The following IFNG-AS1 variants were observed in gnomAD, a reference collection of about 807,000 sequenced individuals.
IFNG-AS1 encodes the protein IFNG regulatory antisense RNA 1.
At position 68,011,353 on chromosome 12, in the gene IFNG-AS1, A is replaced by G. The variant is rs551923126; in HGVS notation, n.241+5207A>G. Among the ~76,000 whole-genome samples, 8 of 152,308 alleles carry G rather than the reference A, an allele frequency of 5.3e-5. No individual in the cohort carries two copies. The East Asian group carries it at 1.3e-3, about 26-fold the overall frequency. ...ACAATTTATTACTAAGAATTTAAAC[A>G]GTTTTAACAACCACTGTAAGTGCAG... On this transcript the variant is annotated intron_variant and non_coding_transcript_variant, in intron 3 of 5. Transcript: ENST00000536914.
intron 3 of IFNG-AS1, among the ~76,000 whole-genome samples, chr12:68,013,236 G>A (rs943142221): frequency 6.6e-6 from 1 of 152,190 alleles, no homozygotes; most frequent in Admixed American, 6.5e-5. Context: ...CAGGGTTTAG[G>A]ATTTGGGATT....
At chr12:68,010,731 T>C (rs1485144347) in intron 3 of IFNG-AS1, among the ~76,000 whole-genome samples, 1 of 152,196 alleles carries the variant, frequency 6.6e-6, no homozygotes, top group African/African-American at 2.4e-5. Context: ...GTTCTTGCCT[T>C]GGGCCGAACC....
intron 3 of IFNG-AS1, among the ~76,000 whole-genome samples, chr12:68,014,742 C>A (rs1441302212): frequency 6.6e-6 from 1 of 151,950 alleles, no homozygotes; most frequent in South Asian, 2.1e-4. Context: ...ACTGGCCAAG[C>A]CTCCACAATC....
chr12:68,014,059 A>T (rs1880092695), intron 3 of IFNG-AS1, among the ~76,000 whole-genome samples: 2 of 152,192 alleles, frequency 1.3e-5, no homozygotes, highest in African/African-American at 4.8e-5. Flanking sequence ...TCCATTCCTC[A>T]GTTACCTCAC....
intron 3 of IFNG-AS1, among the ~76,000 whole-genome samples, chr12:68,011,084 C>A (rs1880015816): frequency 6.6e-6 from 1 of 152,150 alleles, no homozygotes; most frequent in African/African-American, 2.4e-5. Context: ...GTCCTCAGAG[C>A]TTTGGAGTTT....
chr12:67,991,542 T>C (rs1879512256), intron 1 of IFNG-AS1, among the ~76,000 whole-genome samples: 1 of 152,234 alleles, frequency 6.6e-6, no homozygotes, highest in Non-Finnish European at 1.5e-5. Flanking sequence ...GCCACCTTAA[T>C]GAATGAGGAT....
intron 2 of IFNG-AS1, among the ~76,000 whole-genome samples, chr12:68,000,111 T>C (rs1879733814): frequency 6.6e-6 from 1 of 152,204 alleles, no homozygotes; most frequent in Non-Finnish European, 1.5e-5. Context: ...TAGCATAATA[T>C]CAATGTTAGT....
intron 3 of IFNG-AS1, among the ~76,000 whole-genome samples, chr12:68,007,980 A>C (rs1000292013): frequency 1.3e-5 from 2 of 152,266 alleles, no homozygotes; most frequent in Non-Finnish European, 2.9e-5. Context: ...TCTTTAAAAA[A>C]TCAGGCAAAC....
intron 3 of IFNG-AS1, among the ~76,000 whole-genome samples, chr12:68,013,103 C>G (rs1880070688): frequency 6.6e-6 from 1 of 152,234 alleles, no homozygotes. Flanking sequence ...ACCATTTTGC[C>G]TGGGATTGAT....
At chr12:68,001,370 G>T in intron 2 of IFNG-AS1, 1 of 196,580 alleles carries the variant, frequency 5.1e-6, no homozygotes, top group South Asian at 1.0e-4. Flanking sequence ...GCATGAATCT[G>T]AGTGCCATCT....
At chr12:68,004,321 C>T (rs939193229) in intron 2 of IFNG-AS1, among the ~76,000 whole-genome samples, 1 of 152,102 alleles carries the variant, frequency 6.6e-6, no homozygotes, top group Non-Finnish European at 1.5e-5. Context: ...TTGCATCTTC[C>T]CAGCTTCCTC....
chr12:67,993,249 C>G (rs193020464), intron 1 of IFNG-AS1, among the ~76,000 whole-genome samples: 1 of 152,124 alleles, frequency 6.6e-6, no homozygotes, highest in Admixed American at 6.5e-5. Flanking sequence ...CTGTTTTTTA[C>G]GCAGTTCATG....
intron 3 of IFNG-AS1, chr12:68,013,725 C>T (rs55969144): frequency 0.13 from 19,582 of 152,234 alleles, 1,685 homozygotes; most frequent in Non-Finnish European, 0.17. Flanking sequence ...CTCATTCAAT[C>T]GGTTGATGCC....
chr12:68,018,029 A>G (rs2120483529), intron 3 of IFNG-AS1, among the ~76,000 whole-genome samples: 1 of 151,980 alleles, frequency 6.6e-6, no homozygotes, highest in African/African-American at 2.4e-5. Flanking sequence ...TGATGTGTTC[A>G]TCTCCCCTTG....
intron 3 of IFNG-AS1, among the ~76,000 whole-genome samples, chr12:68,006,489 T>C (rs1180897241): frequency 6.6e-6 from 1 of 152,160 alleles, no homozygotes; most frequent in African/African-American, 2.4e-5. Context: ...GGATCAGACA[T>C]ACCCATTGCG....
chr12:68,014,968 A>G (rs1032619668), intron 3 of IFNG-AS1, among the ~76,000 whole-genome samples: 13 of 152,198 alleles, frequency 8.5e-5, no homozygotes, highest in Non-Finnish European at 1.3e-4. Flanking sequence ...CTATACAAAC[A>G]GATTTTGAGA....
chr12:68,000,243 T>C (rs1200828318), intron 2 of IFNG-AS1, among the ~76,000 whole-genome samples: 1 of 151,992 alleles, frequency 6.6e-6, no homozygotes, highest in Non-Finnish European at 1.5e-5. Context: ...TATTTCAAAA[T>C]AAAAAGGTAA....
chr12:67,992,896 C>T (rs934317656), intron 1 of IFNG-AS1, among the ~76,000 whole-genome samples: 3 of 152,200 alleles, frequency 2.0e-5, no homozygotes, highest in African/African-American at 7.2e-5. Flanking sequence ...TTTCGTATCC[C>T]ATTTTCTTTC....
intron 1 of IFNG-AS1, among the ~76,000 whole-genome samples, chr12:67,995,218 C>T (rs1372145706): frequency 6.6e-6 from 1 of 151,740 alleles, no homozygotes; most frequent in East Asian, 1.9e-4. Flanking sequence ...GTCAAGAGAT[C>T]GAGACCATCC....
Sources: gnomAD v4.1 joint callset for allele counts (sites outside exome capture counted in the v4.1 genomes callset) on GRCh38, gnomAD v4.1.1 for gene constraint, MANE v1.5 for transcripts, NCBI Gene and HGNC (gene_info 2026-07-23, HGNC 2026-07-21) for gene names.